The following GRIP1 variants were observed in gnomAD, a reference collection of about 807,000 sequenced individuals.
GRIP1 encodes glutamate receptor interacting protein 1, also known as glutamate receptor-interacting protein 1.
In GRIP1, 45 loss-of-function variants were observed where a neutral mutation model predicts 129.9. That is an observed-to-expected ratio of 0.35 (90% CI 0.27 to 0.44). GRIP1 has a LOEUF of 0.44. Among genes scored for constraint, GRIP1 ranks in the 20% least tolerant of loss-of-function variants. The pLI, the probability that GRIP1 is intolerant of heterozygous loss-of-function variation, is 1.00. For missense variants in GRIP1, 1,196 were observed against 1,396.8 expected (o/e 0.86, Z 2.29); for synonymous variants, 530 against 520.8 (o/e 1.02, Z -0.24).
chr12:66,682,196 A>G (rs2034611004), upstream of GRIP1, among the ~76,000 whole-genome samples: 2 of 152,174 alleles, frequency 1.3e-5, no homozygotes, highest in South Asian at 4.1e-4. Context: ...AAGTGCAGTT[A>G]TCTTTTGACA....
At chr12:66,449,891 C>T (rs1399380319) in intron 11 of GRIP1, among the ~76,000 whole-genome samples, 1 of 152,066 alleles carries the variant, frequency 6.6e-6, no homozygotes, top group African/African-American at 2.4e-5. Flanking sequence ...TTTATAGGTT[C>T]ATATTAATTT....
intron 1 of GRIP1, among the ~76,000 whole-genome samples, chr12:66,786,133 T>C (rs1271388200): frequency 6.6e-6 from 1 of 152,164 alleles, no homozygotes; most frequent in Non-Finnish European, 1.5e-5. Context: ...CACTAAGTTT[T>C]TGTATTGAAA....
chr12:66,369,703 C>T (rs1359169356), intron 23 of GRIP1, among the ~76,000 whole-genome samples: 1 of 152,124 alleles, frequency 6.6e-6, no homozygotes, highest in African/African-American at 2.4e-5. Flanking sequence ...GGGAACAGAA[C>T]TGCACAGAAG....
At chr12:66,781,233 T>G (rs970019262) in intron 1 of GRIP1, among the ~76,000 whole-genome samples, 4 of 152,224 alleles carry the variant, frequency 2.6e-5, no homozygotes, top group Non-Finnish European at 5.9e-5. Context: ...AGTAGCTTAA[T>G]TGATTGGGGT....
intron 1 of GRIP1, among the ~76,000 whole-genome samples, chr12:66,880,224 G>C (rs1192973361): frequency 6.6e-6 from 1 of 152,098 alleles, no homozygotes; most frequent in Non-Finnish European, 1.5e-5. Flanking sequence ...GTGCACAAAG[G>C]AAGGAGCAGA....
At chr12:66,989,722 A>G (rs1323224669) in intron 1 of GRIP1, among the ~76,000 whole-genome samples, 2 of 152,210 alleles carry the variant, frequency 1.3e-5, no homozygotes, top group East Asian at 3.8e-4. Flanking sequence ...GTCACTACAC[A>G]AGGAAGAAAA....
chr12:66,607,645 TCCTTA>T (rs548846140), intron 1 of GRIP1, among the ~76,000 whole-genome samples: 8 of 152,282 alleles, frequency 5.3e-5, no homozygotes, highest in African/African-American at 1.7e-4. Context: ...AGTCTGCCTT[TCCTTA>T]CCCTCTGGCT....
chr12:66,385,437 G>A (rs981128916), intron 19 of GRIP1, among the ~76,000 whole-genome samples: 1 of 152,030 alleles, frequency 6.6e-6, no homozygotes, highest in Non-Finnish European at 1.5e-5. Flanking sequence ...TTGGGAGGCT[G>A]AGATAGGAGA....
intron 1 of GRIP1, among the ~76,000 whole-genome samples, chr12:67,066,935 C>CA (rs1468610674): frequency 1.5e-4 from 22 of 143,808 alleles, no homozygotes; most frequent in Admixed American, 2.8e-4. Context: ...AACTGAAACA[C>CA]AAACACCAGT....
intron 2 of GRIP1, among the ~76,000 whole-genome samples, chr12:66,585,988 C>G (rs903895370): frequency 6.6e-6 from 1 of 152,200 alleles, no homozygotes; most frequent in Non-Finnish European, 1.5e-5. Context: ...TCTCATTCCA[C>G]TATATCATCC....
In GRIP1 at chr12:66,765,912, A is replaced by G. The variant is rs536677194; in HGVS notation, c.-420+38141T>C. Among the ~76,000 whole-genome samples the G allele has an allele frequency of 2.0e-5, 3 of 152,196 alleles. No homozygotes were observed. In the South Asian group the frequency reaches 6.2e-4, roughly 32 times the overall value. Reference sequence around the variant, plus strand: ...GAATGAACCAGGAGGAAATGACTGCAGACATAGGATGTCCTTAGTTAAATA... The same window carrying G: ...GAATGAACCAGGAGGAAATGACTGCGGACATAGGATGTCCTTAGTTAAATA... On this transcript the variant is annotated intron_variant, in intron 1 of 4. Coordinates refer to the GRIP1 transcript ENST00000538373.
upstream of GRIP1, among the ~76,000 whole-genome samples, chr12:66,808,729 T>C (rs1003290308): frequency 6.6e-6 from 1 of 152,188 alleles, no homozygotes; most frequent in Non-Finnish European, 1.5e-5. Flanking sequence ...ATGGCAACTA[T>C]TGATTAGAGC....
At chr12:66,540,002 TA>T (rs1456326077) in intron 3 of GRIP1, among the ~76,000 whole-genome samples, 1 of 152,234 alleles carries the variant, frequency 6.6e-6, no homozygotes, top group Non-Finnish European at 1.5e-5. Context: ...CTAATGCATT[TA>T]TTTTATATAT....
intron 1 of GRIP1, among the ~76,000 whole-genome samples, chr12:66,929,724 G>T (rs2041356612): frequency 6.6e-6 from 1 of 152,072 alleles, no homozygotes; most frequent in African/African-American, 2.4e-5. Flanking sequence ...CTATGTATCT[G>T]ACTACCTTAT....
intron 1 of GRIP1, among the ~76,000 whole-genome samples, chr12:66,988,904 CTT>C (rs1179132410): frequency 6.6e-6 from 1 of 152,156 alleles, no homozygotes; most frequent in Non-Finnish European, 1.5e-5. Flanking sequence ...ATGCAAAACT[CTT>C]TGAACCAGAA....
intron 1 of GRIP1, among the ~76,000 whole-genome samples, chr12:66,762,259 A>G (rs2037499103): frequency 6.6e-6 from 1 of 152,184 alleles, no homozygotes; most frequent in Non-Finnish European, 1.5e-5. Context: ...ACTGTCAACA[A>G]GGAGATTCTA....
intron 9 of GRIP1, among the ~76,000 whole-genome samples, chr12:66,461,499 A>C (rs1307435878): frequency 1.3e-5 from 2 of 152,208 alleles, no homozygotes; most frequent in East Asian, 3.9e-4. Context: ...ATCCTTGTGA[A>C]CGGCACCTTC....
chr12:66,390,239 A>G (rs2056529800), intron 19 of GRIP1, among the ~76,000 whole-genome samples: 1 of 152,184 alleles, frequency 6.6e-6, no homozygotes, highest in Non-Finnish European at 1.5e-5. Flanking sequence ...AACCCTTTCC[A>G]AACCTGAAAT....
chr12:66,762,042 A>C (rs777397718), intron 1 of GRIP1, among the ~76,000 whole-genome samples: 1 of 152,230 alleles, frequency 6.6e-6, no homozygotes, highest in Non-Finnish European at 1.5e-5. Flanking sequence ...TAAGAAAAAT[A>C]AATCAGTTAA....
Sources: allele counts gnomAD v4.1 joint callset (sites outside exome capture counted in the v4.1 genomes callset), GRCh38; gene constraint gnomAD v4.1.1; transcripts MANE v1.5; gene names NCBI Gene and HGNC (gene_info 2026-07-23, HGNC 2026-07-21).